The following PCDH11Y variants were observed in gnomAD, a reference collection of about 807,000 sequenced individuals.
PCDH11Y encodes the protein protocadherin-11 Y-linked.
For synonymous variants in PCDH11Y, 9 were observed against 83.6 expected, an observed-to-expected ratio of 0.11 and a Z score of 4.87; for missense variants, 12 against 224.8, an observed-to-expected ratio of 0.05 and a Z score of 6.05.
At chrY:5,568,026 C>G in intron 3 of PCDH11Y, among the ~76,000 whole-genome samples, 1 of 28,121 alleles carries the variant, frequency 3.6e-5, no homozygotes, top group East Asian at 9.3e-4. Context: ...CAGTACAGTA[C>G]AGTGTTCCAG....
intron 3 of PCDH11Y, among the ~76,000 whole-genome samples, chrY:5,033,955 C>A: frequency 3.1e-5 from 1 of 32,440 alleles, no homozygotes; most frequent in African/African-American, 1.2e-4. Context: ...GTTAGTTTTC[C>A]CAGATTTCTC....
chrY:5,741,557 C>A (rs77403014), exon 5 of PCDH11Y: 1 of 30,668 alleles, frequency 3.3e-5, no homozygotes, highest in African/African-American at 1.3e-4. Flanking sequence ...TTTTGGAAAC[C>A]AAATTTATAG....
chrY:5,671,308 T>C (rs2124708388), intron 4 of PCDH11Y, among the ~76,000 whole-genome samples: 1 of 31,914 alleles, frequency 3.1e-5, no homozygotes, highest in East Asian at 8.3e-4. Flanking sequence ...CAATGAGTAA[T>C]GCCACCAGTA....
At chrY:5,130,754 G>A in intron 2 of PCDH11Y, among the ~76,000 whole-genome samples, 3 of 30,874 alleles carry the variant, frequency 9.7e-5, no homozygotes, top group Non-Finnish European at 2.3e-4. Flanking sequence ...TGGTGGGACT[G>A]TGCCAGTAAT....
chrY:5,576,921 A>G (rs2124697002), intron 3 of PCDH11Y, among the ~76,000 whole-genome samples: 1 of 32,473 alleles, frequency 3.1e-5, no homozygotes, highest in Non-Finnish European at 7.6e-5. Context: ...TTGTTTTCAT[A>G]TCTTGGAAAT....
At chrY:5,017,727 A>G in intron 1 of PCDH11Y, among the ~76,000 whole-genome samples, 1 of 33,319 alleles carries the variant, frequency 3.0e-5, no homozygotes, top group African/African-American at 1.2e-4. Context: ...TGTAGTTGGT[A>G]CAAATTTATC....
intron 2 of PCDH11Y, among the ~76,000 whole-genome samples, chrY:5,313,935 C>T: frequency 3.0e-5 from 1 of 33,085 alleles, no homozygotes; most frequent in East Asian, 8.0e-4. Flanking sequence ...AATTTGATTT[C>T]GGAACAGTCT....
chrY:5,547,289 CTT>C (rs2124693683), intron 3 of PCDH11Y, among the ~76,000 whole-genome samples: 1 of 31,775 alleles, frequency 3.1e-5, no homozygotes, highest in South Asian at 7.0e-4. Flanking sequence ...ATGTATCTAT[CTT>C]CCTATTTAAC....
chrY:5,055,048 G>A, upstream of PCDH11Y, among the ~76,000 whole-genome samples: 1 of 33,492 alleles, frequency 3.0e-5, no homozygotes, highest in African/African-American at 1.2e-4. Context: ...TTTTTAAAAT[G>A]TTGTGATAAA....
chrY:5,097,301 C>A (rs2052754605), intron 1 of PCDH11Y, among the ~76,000 whole-genome samples: 1 of 30,001 alleles, frequency 3.3e-5, no homozygotes, highest in African/African-American at 1.3e-4. Flanking sequence ...TTTCCATCTG[C>A]TAAAGGTTTT....
chrY:5,673,763 T>A, intron 4 of PCDH11Y, among the ~76,000 whole-genome samples: 1 of 31,759 alleles, frequency 3.1e-5, no homozygotes, highest in Non-Finnish European at 7.7e-5. Context: ...TAATCCTCCA[T>A]TTTTATAAAC....
chrY:5,432,090 A>C, intron 2 of PCDH11Y, among the ~76,000 whole-genome samples: 1 of 33,243 alleles, frequency 3.0e-5, no homozygotes, highest in Admixed American at 2.8e-4. Flanking sequence ...GTACTGATAG[A>C]AGTAGTAACA....
chrY:5,115,992 G>A (rs2052810423), intron 2 of PCDH11Y, among the ~76,000 whole-genome samples: 16 of 32,850 alleles, frequency 4.9e-4, no homozygotes, highest in Admixed American at 1.1e-3. Flanking sequence ...CGCCCGCCTC[G>A]GCCTCCCAAA....
At chrY:5,343,346 C>T (rs2053148050) in intron 2 of PCDH11Y, among the ~76,000 whole-genome samples, 1 of 29,871 alleles carries the variant, frequency 3.3e-5, no homozygotes, top group East Asian at 9.1e-4. Flanking sequence ...CTCCACCTCC[C>T]GGGTTCACGC....
At chrY:5,662,589 AT>A (rs2053541720) in intron 4 of PCDH11Y, among the ~76,000 whole-genome samples, 1 of 31,694 alleles carries the variant, frequency 3.2e-5, no homozygotes, top group Non-Finnish European at 7.6e-5. Context: ...TCATATCAAC[AT>A]CTTTTGACAC....
chrY:5,177,942 C>T, intron 2 of PCDH11Y, among the ~76,000 whole-genome samples: 20 of 32,459 alleles, frequency 6.2e-4, no homozygotes, highest in Non-Finnish European at 1.3e-3. Context: ...ATGCCTGTAT[C>T]GAAACATCTT....
chrY:5,696,913 G>A, intron 4 of PCDH11Y, among the ~76,000 whole-genome samples: 1 of 32,071 alleles, frequency 3.1e-5, no homozygotes, highest in African/African-American at 1.2e-4. Flanking sequence ...TAGTTGTATA[G>A]TTTTGAGTGA....
intron 2 of PCDH11Y, among the ~76,000 whole-genome samples, chrY:5,443,529 A>G (rs2053284421): frequency 6.1e-5 from 2 of 33,011 alleles, no homozygotes; most frequent in Admixed American, 5.5e-4. Context: ...CCTTCTCACA[A>G]CCACTATGGA....
chrY:5,664,703 T>C (rs2124707605), intron 4 of PCDH11Y, among the ~76,000 whole-genome samples: 2 of 29,773 alleles, frequency 6.7e-5, no homozygotes, highest in Admixed American at 3.1e-4. Flanking sequence ...CCCGGGTTCA[T>C]GTGATTCTCG....
Sources: allele counts gnomAD v4.1 joint callset (sites outside exome capture counted in the v4.1 genomes callset), GRCh38; gene constraint gnomAD v4.1.1; transcripts MANE v1.5; gene names NCBI Gene and HGNC (gene_info 2026-07-23, HGNC 2026-07-21).